TAFAZZIN: variants seen among roughly 807,000 people sequenced by gnomAD.
TAFAZZIN encodes the protein tafazzin, phospholipid-lysophospholipid transacylase.
TAFAZZIN carries 6 observed loss-of-function variants against 27.3 expected under a neutral mutation model. The observed-to-expected ratio is 0.22, with a 90% CI of 0.12 to 0.43. The LOEUF (loss-of-function observed/expected upper bound fraction) is 0.43. Among genes scored for constraint, TAFAZZIN ranks in the 20% least tolerant of loss-of-function variants. The probability of loss-of-function intolerance (pLI) is 1.00; values close to 1 mark genes in which losing one functional copy is unlikely to be tolerated. For missense variants in TAFAZZIN, 127 were observed against 244.5 expected (o/e 0.52, Z 3.21); for synonymous variants, 79 against 96.2 (o/e 0.82, Z 1.04).
intron 5 of TAFAZZIN, among the ~76,000 whole-genome samples, chrX:154,416,524 C>G (rs368153255): frequency 8.9e-6 from 1 of 111,787 alleles, no homozygotes; most frequent in East Asian, 2.8e-4. Flanking sequence ...TCAGGGCTGT[C>G]ACAGTAGCTC....
chrX:154,414,191 G>C lies in TAFAZZIN; in HGVS notation c.460+1G>C. 8.3e-7 allele frequency: 1 copy of C among 1,204,153 alleles called. No homozygotes were observed. Among genetic ancestry groups the C allele is most frequent in the Non-Finnish European group, 1.1e-6 (1 of 889,917 alleles). On this transcript the variant is annotated splice_donor_variant, in intron 5 of 10. Coordinates refer to ENST00000601016, the MANE Select transcript of TAFAZZIN (RefSeq NM_000116.5). LOFTEE classifies it high-confidence loss of function. ...GGTGCTGGAAAAAGAAGAGAGAAAG[G>C]TAAGCCAGGCATAGCGGTTCACACT...
intron 5 of TAFAZZIN, chrX:154,419,150 C>T: frequency 4.0e-6 from 1 of 249,334 alleles, no homozygotes; most frequent in Non-Finnish European, 7.4e-6. Flanking sequence ...GCTGAAGCGG[C>T]CCAGCTGGTG....
chrX:154,414,279 C>T (rs782122186), intron 5 of TAFAZZIN, 89 bp downstream of exon 5: 6 of 712,503 alleles, frequency 8.4e-6, no homozygotes, highest in African/African-American at 2.1e-5. Flanking sequence ...AGTTTGAGAC[C>T]AGCCTGGGCA....
At chrX:154,417,206 C>T (rs782226299) in intron 5 of TAFAZZIN, among the ~76,000 whole-genome samples, 8 of 111,867 alleles carry the variant, frequency 7.2e-5, no homozygotes, top group African/African-American at 9.7e-5. Context: ...CACAAAGTCA[C>T]GAATGCAGAG....
intron 4 of TAFAZZIN, 118 bp downstream of exon 4, chrX:154,413,685 C>A: frequency 1.5e-6 from 1 of 679,800 alleles, no homozygotes; most frequent in Non-Finnish European, 2.3e-6. Context: ...AACATGAGGC[C>A]CAGCTCCATC....
chrX:154,414,242 G>A, intron 5 of TAFAZZIN, 52 bp downstream of exon 5: 4 of 1,039,401 alleles, frequency 3.8e-6, no homozygotes, highest in Non-Finnish European at 5.4e-6. Context: ...TTGTGAGGTC[G>A]AGGTGAGAGG....
Position 154,411,577 on chromosome X carries a change from C to T in TAFAZZIN, c.-267C>T, listed in dbSNP as rs1363369926. On this transcript the variant is annotated 5_prime_UTR_variant, in exon 1 of 11. Transcript: ENST00000601016. ...TGCACCGGGCCGGGGTGCCAGCGCCCGCCTTCCCGTTTCCTCCCGTTCCGC... is the reference window on the plus strand; with the variant it reads ...TGCACCGGGCCGGGGTGCCAGCGCCTGCCTTCCCGTTTCCTCCCGTTCCGC... 3 of 408,337 alleles carry T rather than the reference C, an allele frequency of 7.3e-6. No individual in the cohort carries two copies. The highest frequency in any genetic ancestry group is 3.1e-5 in the Admixed American group (1 of 32,495). The allele number at this position is 408,337 out of a possible 1,213,427, so 33.7% of individuals were successfully genotyped here.
chrX:154,412,118 G>T lies in TAFAZZIN; in HGVS notation c.142G>T (p.Glu48Ter). 1 of 1,209,546 alleles carries T rather than the reference G, an allele frequency of 8.3e-7. No individual in the cohort carries two copies. The highest frequency in any genetic ancestry group is 1.1e-6 in the Non-Finnish European group (1 of 894,483). The stretch of plus-strand genomic sequence containing the variant: ...GAACCACCTGACCGTGCACAACAGG[G>T]AGGTGCTGTACGAGCTCATCGAGAA... ...YMNHLTVHNR[E>*]VLYELIEKRG... Residue 48 changes from glutamate to a stop codon, truncating the protein, a stop_gained, in exon 2 of 11, where the codon GAG (glutamate) becomes TAG (stop). Coordinates refer to ENST00000601016, the MANE Select transcript of TAFAZZIN (RefSeq NM_000116.5). LOFTEE classifies it high-confidence loss of function.
chrX:154,413,340 G>A, intron 3 of TAFAZZIN, 88 bp downstream of exon 3: 3 of 1,207,565 alleles, frequency 2.5e-6, no homozygotes, highest in Non-Finnish European at 3.4e-6. Context: ...TGCCCAGGAG[G>A]TGGCGTCCAG....
intron 4 of TAFAZZIN, 25 bp downstream of exon 4, chrX:154,413,592 A>G (rs1557191819): frequency 8.3e-7 from 1 of 1,201,604 alleles, no homozygotes; most frequent in South Asian, 1.8e-5. Flanking sequence ...CAGCGAGTGC[A>G]GGGAGGCACT....
Position 154,411,861 on chromosome X carries a change from G to C in TAFAZZIN, c.18G>C (p.Lys6Asn). 1 of 1,200,572 alleles carries C rather than the reference G, an allele frequency of 8.3e-7. No homozygotes were observed. The highest frequency in any genetic ancestry group is 1.1e-6 in the Non-Finnish European group (1 of 892,325). The change falls in exon 1 of 11, where the codon AAG (lysine) becomes AAC (asparagine). Residue 6 changes from lysine to asparagine, a missense_variant. Physicochemically the swap from Lys to Asn is moderately conservative, Grantham distance 94 (BLOSUM62 0). Transcript: ENST00000601016. ...GGGTGGGGATGCCTCTGCACGTGAA[G>C]TGGCCGTTCCCCGCGGTGCCGCCGC... MPLHV[K>N]WPFPAVPPLT...
chrX:154,413,176 G>T (rs1242145217), intron 2 of TAFAZZIN, 31 bp from the exon 3 acceptor site: 2 of 1,210,392 alleles, frequency 1.7e-6, no homozygotes, highest in African/African-American at 3.5e-5. Context: ...GATATGGGAA[G>T]TTGGGGCATG....
At chrX:154,412,053 G>A in intron 1 of TAFAZZIN, 33 bp from the exon 2 acceptor site, 2 of 1,209,019 alleles carry the variant, frequency 1.7e-6, no homozygotes, top group Non-Finnish European at 2.2e-6. Context: ...TAGCGGGCGA[G>A]CCCGGAGCGC....
chrX:154,419,353 G>C lies in TAFAZZIN; in HGVS notation c.461-190G>C, dbSNP rs782389897. ...GAGGGCGTCTGTGGATGGCGCAGTG[G>C]GGGATGGGAAGTCCCTAATCTGCTG... On this transcript the variant is annotated intron_variant, in intron 5 of 10. Coordinates refer to ENST00000601016, the MANE Select transcript of TAFAZZIN (RefSeq NM_000116.5). 41 of 473,166 alleles carry C rather than the reference G, an allele frequency of 8.7e-5. No individual in the cohort carries two copies. In the Middle Eastern group the frequency reaches 2.4e-3, roughly 27 times the overall value. 39.0% of individuals were successfully genotyped at this position (473,166 alleles called of 1,213,427 possible).
intron 10 of TAFAZZIN, 75 bp downstream of exon 10, chrX:154,420,810 C>T (rs1557194446): frequency 8.5e-7 from 1 of 1,181,891 alleles, no homozygotes; most frequent in East Asian, 3.0e-5. Flanking sequence ...TGCCTCCACC[C>T]TCTCCATCCC....
rs1603382099 is a variant in TAFAZZIN, at chrX:154,420,606, G to A, written c.700-52G>A. 4 of 1,186,637 alleles carry A rather than the reference G, an allele frequency of 3.4e-6. No homozygotes were observed. The South Asian group carries it at 5.3e-5, about 16-fold the overall frequency. ...TCTGGCTCCCGGGTTGCTTGGGCTG[G>A]GGCTGTGGGCACTCCTACTGCTCCT... On this transcript the variant is annotated intron_variant, in intron 9 of 10. Transcript: ENST00000601016.
At chrX:154,415,346 CA>C (rs59333179) in intron 5 of TAFAZZIN, among the ~76,000 whole-genome samples, 12,873 of 109,796 alleles carry the variant, frequency 0.12, 595 homozygotes, top group South Asian at 0.16. Context: ...CTCAGCCTCT[CA>C]AAGTGCTGGG....
chrX:154,415,395 G>A (rs1317005326), intron 5 of TAFAZZIN, among the ~76,000 whole-genome samples: 2 of 111,088 alleles, frequency 1.8e-5, no homozygotes, highest in Non-Finnish European at 3.8e-5. Context: ...CCCAGCCCAG[G>A]AATTTGAGGC....
intron 5 of TAFAZZIN, among the ~76,000 whole-genome samples, chrX:154,414,900 C>T (rs1407965492): frequency 1.9e-5 from 2 of 104,051 alleles, no homozygotes; most frequent in Non-Finnish European, 3.9e-5. Flanking sequence ...GAGACGGGAG[C>T]ATTGCTTGAA....
Sources: gnomAD v4.1 joint callset for allele counts (sites outside exome capture counted in the v4.1 genomes callset) on GRCh38, gnomAD v4.1.1 for gene constraint, MANE v1.5 for transcripts, NCBI Gene and HGNC (gene_info 2026-07-23, HGNC 2026-07-21) for gene names.